Variants in ABCA4 observed in about 807,000 individuals in gnomAD.
The protein encoded by ABCA4 is ATP binding cassette subfamily A member 4.
ABCA4 carries 196 observed loss-of-function variants against 263.7 expected under a neutral mutation model. The ratio of observed to expected loss-of-function variants is 0.74; its 90% CI spans 0.66 to 0.84. The LOEUF (loss-of-function observed/expected upper bound fraction) is 0.84, where lower values mean the gene tolerates loss of function less well. ABCA4 is among the 40% of genes least tolerant of loss of function. The pLI, the probability that ABCA4 is intolerant of heterozygous loss-of-function variation, is 0.00. For missense variants in ABCA4, 2,792 were observed against 2,855.1 expected, an observed-to-expected ratio of 0.98 and a Z score of 0.50; for synonymous variants, 1,133 against 1,094.2, an observed-to-expected ratio of 1.04 and a Z score of -0.70.
Position 94,121,022 on chromosome 1 carries a change from C to T in ABCA4, c.24G>A (p.Gln8=). 1 of 1,613,956 alleles carries T rather than the reference C, an allele frequency of 6.2e-7. No individual in the cohort carries two copies. Among genetic ancestry groups the T allele is most frequent in the African/African-American group, 1.3e-5 (1 of 74,874 alleles). The change falls in exon 1 of 50, where the codon CAG becomes CAA. Residue 8 remains glutamine (Q), a synonymous_variant. Coordinates refer to ENST00000370225, the MANE Select transcript of ABCA4 (RefSeq NM_000350.3). MGFVRQI[Q]LLLWKNWTLR... ...GGGTCCAGTTCTTCCAGAGCAAAAG[C>T]TGTATCTGTCTCACGAAGCCCATGC... is the stretch of plus-strand genomic sequence containing the variant.
At chr1:94,038,360 G>T (rs1370235941) in intron 24 of ABCA4, among the ~76,000 whole-genome samples, 1 of 152,178 alleles carries the variant, frequency 6.6e-6, no homozygotes, top group Non-Finnish European at 1.5e-5. Context: ...ACATTGTCTT[G>T]AGAGGCAGGT....
In ABCA4 at chr1:94,043,234, C is replaced by T. The variant is rs530507176; in HGVS notation, c.3190+102G>A. 1.7e-5 allele frequency: 26 copies of T among 1,541,952 alleles called. No individual in the cohort carries two copies. The African/African-American group carries it at 3.1e-4, about 19-fold the overall frequency. On this transcript the variant is annotated intron_variant, in intron 21 of 49. Transcript: ENST00000370225. ...GTGTAACTTCACAGAGGTGTTCCCA[C>T]CCTTAGAAGCTCTCCTGCTCCAAGC...
intron 16 of ABCA4, among the ~76,000 whole-genome samples, chr1:94,054,393 C>T (rs1660915475): frequency 6.6e-6 from 1 of 152,162 alleles, no homozygotes; most frequent in African/African-American, 2.4e-5. Context: ...GGGACAGGAA[C>T]CCTGGAGGAA....
At chr1:94,001,530 G>A (rs753627788) in intron 45 of ABCA4, 7 of 571,776 alleles carry the variant, frequency 1.2e-5, no homozygotes, top group South Asian at 1.1e-4. Context: ...CTTTGACCCA[G>A]CTCAGTGCTC....
chr1:94,111,738 C>T (rs940732735), intron 2 of ABCA4, among the ~76,000 whole-genome samples, 159 bp from the exon 3 acceptor site: 1 of 152,144 alleles, frequency 6.6e-6, no homozygotes, highest in African/African-American at 2.4e-5. Flanking sequence ...TGTGCCAGTC[C>T]CTGTGCTGGG....
intron 26 of ABCA4, among the ~76,000 whole-genome samples, chr1:94,034,697 C>G (rs893759183): frequency 6.6e-6 from 1 of 151,484 alleles, no homozygotes; most frequent in African/African-American, 2.4e-5. Context: ...GCCTGGGTGA[C>G]TTTAGGCAAA....
chr1:94,011,000 G>A (rs1659530822), intron 39 of ABCA4, 71 bp from the exon 40 acceptor site: 1 of 1,612,014 alleles, frequency 6.2e-7, no homozygotes, highest in Non-Finnish European at 8.5e-7. Context: ...CACAGCACAG[G>A]GCCCACTAGA....
At chr1:94,052,083 G>C (rs1025514676) in intron 16 of ABCA4, among the ~76,000 whole-genome samples, 3 of 152,110 alleles carry the variant, frequency 2.0e-5, no homozygotes, top group African/African-American at 4.8e-5. Flanking sequence ...CTTTCCATGT[G>C]TTAAATAATC....
chr1:94,061,971 T>A (rs921469858), intron 13 of ABCA4, among the ~76,000 whole-genome samples: 9 of 151,906 alleles, frequency 5.9e-5, no homozygotes, highest in Admixed American at 2.6e-4. Flanking sequence ...GCCCTTTCTC[T>A]ACCACCCCCC....
intron 38 of ABCA4, among the ~76,000 whole-genome samples, chr1:94,014,062 C>T (rs1311242559): frequency 6.6e-6 from 1 of 152,138 alleles, no homozygotes; most frequent in African/African-American, 2.4e-5. Context: ...CCTGAGAAAA[C>T]CTTTCTGAAA....
chr1:94,044,094 T>TTTCC (rs1218365138), intron 20 of ABCA4, among the ~76,000 whole-genome samples: 24 of 12,172 alleles, frequency 2.0e-3, no homozygotes, highest in Admixed American at 6.9e-3. Flanking sequence ...CCCTCCCTTC[T>TTTCC]TTCCTTCCTT....
At chr1:94,018,184 C>T (rs539803689) in intron 36 of ABCA4, among the ~76,000 whole-genome samples, 85 of 151,294 alleles carry the variant, frequency 5.6e-4, no homozygotes, top group African/African-American at 6.8e-4. Context: ...TCCCTGTAAG[C>T]GCACACGCGC....
intron 43 of ABCA4, among the ~76,000 whole-genome samples, chr1:94,006,533 C>T (rs112028448): frequency 3.1e-4 from 47 of 152,310 alleles, no homozygotes; most frequent in African/African-American, 1.1e-3. Flanking sequence ...TATCTCTACC[C>T]TGCCATGACT....
chr1:94,042,019 A>C lies in ABCA4; in HGVS notation c.3329-617T>G, dbSNP rs571478304. Among the ~76,000 whole-genome samples the C allele has an allele frequency of 8.6e-5, 13 of 150,600 alleles. No individual in the cohort carries two copies. The South Asian group carries it at 2.7e-3, about 32-fold the overall frequency. ...GAGGCTGAGGCAGGAGAATGGCTCG[A>C]ACCCAGGAGGCGGAGCTTGCAGTGA... On this transcript the variant is annotated intron_variant, in intron 22 of 49. Coordinates refer to ENST00000370225, the MANE Select transcript of ABCA4 (RefSeq NM_000350.3).
intron 5 of ABCA4, among the ~76,000 whole-genome samples, chr1:94,102,037 A>G (rs1001165131): frequency 1.3e-5 from 2 of 152,206 alleles, no homozygotes; most frequent in African/African-American, 4.8e-5. Flanking sequence ...CCTGGATTCC[A>G]TCTGGCTCTG....
At chr1:94,056,847 G>C (rs1228237424) in intron 14 of ABCA4, 25 bp from the exon 15 acceptor site, 1 of 1,562,210 alleles carries the variant, frequency 6.4e-7, no homozygotes. Context: ...CCATGCGTCA[G>C]TAACTCCTGC....
rs764915204 is a variant in ABCA4, at chr1:94,080,538, C to T, written c.1039G>A (p.Ala347Thr). The T allele has an allele frequency of 3.1e-6, 5 of 1,613,948 alleles. No homozygotes were observed. Among genetic ancestry groups the T allele is most frequent in the Non-Finnish European group, 4.2e-6 (5 of 1,180,010 alleles). The part of the protein sequence containing the change: ...FNWYEDNNYK[A>T]FLGIDSTRKD... ...CTTGTGGAGTCAATCCCCAGAAAGG[C>T]CTTATAGTTATTGTCTTCATACCAG... Residue 347 changes from alanine (A) to threonine (T), a missense_variant, in exon 8 of 50, where the codon GCC becomes ACC. Transcript: ENST00000370225.
At position 94,079,469 on chromosome 1, in the gene ABCA4, G is replaced by A. The variant is rs749728129; in HGVS notation, c.1100-8C>T. ...ATGCATTACAAAAGGATGCTGCCAG[G>A]AGACAAGGGACAGATTTTACAGAAA... is the stretch of plus-strand genomic sequence containing the variant. On this transcript the variant is annotated splice_region_variant and splice_polypyrimidine_tract_variant and intron_variant, in intron 8 of 49. Coordinates refer to ENST00000370225, the MANE Select transcript of ABCA4 (RefSeq NM_000350.3). 1.9e-6 allele frequency: 3 copies of A among 1,614,060 alleles called. No homozygotes were observed. The highest frequency in any genetic ancestry group is 2.7e-5 in the African/African-American group (2 of 74,926).
At chr1:94,070,209 C>T (rs1167776351) in intron 11 of ABCA4, among the ~76,000 whole-genome samples, 8 of 152,212 alleles carry the variant, frequency 5.3e-5, no homozygotes. Flanking sequence ...CCAGTGAATG[C>T]CACTTGAACT....
Sources: allele counts gnomAD v4.1 joint callset (sites outside exome capture counted in the v4.1 genomes callset), GRCh38; gene constraint gnomAD v4.1.1; transcripts MANE v1.5; gene names NCBI Gene and HGNC (gene_info 2026-07-23, HGNC 2026-07-21).